Variants in CR2 observed in about 807,000 individuals in gnomAD.
CR2 encodes complement receptor type 2.
CR2 carries 96 observed loss-of-function variants against 123.0 expected under a neutral mutation model. That is an observed-to-expected ratio of 0.78 (90% CI 0.66 to 0.93). CR2 has a LOEUF of 0.93. Ranked by LOEUF, CR2 falls within the 40% of genes least tolerant of loss-of-function variation. The pLI is 0.00. For synonymous variants in CR2, 484 were observed against 469.5 expected (o/e 1.03, Z -0.40); for missense variants, 1,258 against 1,361.0 (o/e 0.92, Z 1.19).
rs1572959381 is a variant in CR2 at position 207,475,135 on chromosome 1, T to C, written c.2635T>C (p.Phe879Leu). The change falls in exon 14 of 20, where the codon TTC becomes CTC. Residue 879 changes from phenylalanine to leucine, a missense_variant. By Grantham distance (22) the Phe-to-Leu change is conservative (BLOSUM62 0). Coordinates refer to ENST00000367057, the MANE Select transcript of CR2 (RefSeq NM_001006658.3). Reference protein sequence around the residue: ...DIVYVDCNPGFIMNGSRVIRC... With the variant: ...DIVYVDCNPGLIMNGSRVIRC... Reference sequence around the variant, plus strand: ...AGTGTATGTTGACTGCAATCCTGGCTTCATCATGAATGGTAGTCGCGTGAT... The same window carrying C: ...AGTGTATGTTGACTGCAATCCTGGCCTCATCATGAATGGTAGTCGCGTGAT... 1.2e-6 allele frequency: 2 copies of C among 1,612,830 alleles called. No individual in the cohort carries two copies. The highest frequency in any genetic ancestry group is 4.5e-5 in the East Asian group (2 of 44,878).
intron 18 of CR2, among the ~76,000 whole-genome samples, chr1:207,483,225 C>A (rs1385913903): frequency 6.6e-6 from 1 of 152,182 alleles, no homozygotes; most frequent in Non-Finnish European, 1.5e-5. Flanking sequence ...AAATTTCTTT[C>A]ACGTGCCAAG....
chr1:207,488,580 C>T (rs1278248481), intron 19 of CR2, among the ~76,000 whole-genome samples: 2 of 152,128 alleles, frequency 1.3e-5, no homozygotes, highest in African/African-American at 2.4e-5. Context: ...GCTGAGATCA[C>T]GCCACTGCAC....
Position 207,454,710 on chromosome 1 carries a change from G to A in CR2, c.58+234G>A. 2.1e-6 allele frequency: 1 copy of A among 467,130 alleles called. No homozygotes were observed. Among genetic ancestry groups the A allele is most frequent in the Non-Finnish European group, 3.8e-6 (1 of 264,280 alleles). 28.9% of individuals were successfully genotyped at this position (467,130 alleles called of 1,614,324 possible). A position where few individuals can be genotyped will look rare whatever the true frequency, so the allele number is the denominator to read the frequency against. On this transcript the variant is annotated intron_variant, in intron 1 of 19. Transcript: ENST00000367057. This position sits in a 1 kb window ranked among gnomAD's most constrained non-coding sequence, Gnocchi z 4.3. Reference sequence around the variant, plus strand: ...ATTGGAGGCTGCGCCACAGAGGGGCGCTGTCTGGTCGGCCCGGTGTGGCTG... The same window carrying A: ...ATTGGAGGCTGCGCCACAGAGGGGCACTGTCTGGTCGGCCCGGTGTGGCTG...
chr1:207,478,773 G>A (rs1658518809), intron 16 of CR2, among the ~76,000 whole-genome samples: 1 of 151,756 alleles, frequency 6.6e-6, no homozygotes, highest in African/African-American at 2.4e-5. Context: ...CCAGAAATAG[G>A]TTAAATAAAT....
intron 1 of CR2, among the ~76,000 whole-genome samples, chr1:207,463,892 G>C (rs147829513): frequency 4.6e-5 from 7 of 152,222 alleles, no homozygotes; most frequent in African/African-American, 1.7e-4. Flanking sequence ...GAGGGAAATT[G>C]AGCATCTGCA....
At chr1:207,480,874 T>C in intron 18 of CR2, among the ~76,000 whole-genome samples, 1 of 152,028 alleles carries the variant, frequency 6.6e-6, no homozygotes, top group Non-Finnish European at 1.5e-5. Flanking sequence ...CTCTCTATTC[T>C]CTTCTGTTTG....
At chr1:207,474,144 T>C in intron 12 of CR2, 97 bp from the exon 13 acceptor site, 1 of 1,106,988 alleles carries the variant, frequency 9.0e-7, no homozygotes, top group Non-Finnish European at 1.4e-6. Context: ...TCAACTCCTC[T>C]CTGCCAAAGT....
intron 16 of CR2, among the ~76,000 whole-genome samples, 200 bp from the exon 17 acceptor site, chr1:207,479,057 C>T (rs1214288711): frequency 6.6e-6 from 1 of 152,134 alleles, no homozygotes; most frequent in Non-Finnish European, 1.5e-5. Context: ...CTCCTGAGCT[C>T]AAGTGATCTT....
chr1:207,462,164 G>A (rs1010399996), intron 1 of CR2, among the ~76,000 whole-genome samples: 5 of 152,092 alleles, frequency 3.3e-5, no homozygotes, highest in Non-Finnish European at 7.4e-5. Context: ...GGGCCTGGGA[G>A]TGACATAAAA....
chr1:207,475,781 C>T (rs977684039), intron 14 of CR2, among the ~76,000 whole-genome samples: 5 of 152,110 alleles, frequency 3.3e-5, no homozygotes, highest in African/African-American at 7.2e-5. Context: ...AGTGAGCTTG[C>T]GAGCCACAAG....
In CR2 at chr1:207,473,246, C is replaced by T. The variant is rs149750084; in HGVS notation, c.1978+67C>T. The T allele has an allele frequency of 1.4e-4, 214 of 1,568,084 alleles. No individual in the cohort carries two copies. The African/African-American group carries it at 2.6e-3, about 19-fold the overall frequency. On this transcript the variant is annotated intron_variant, in intron 10 of 19. Transcript: ENST00000367057. ...ATTATTCTTGTTTATTATCTCCCAC[C>T]CAAAACTGCATCATGGAAAGAGGCA...
In CR2 at chr1:207,454,405, G is replaced by T. The variant is rs372176787; in HGVS notation, c.-14G>T. The stretch of plus-strand genomic sequence containing the variant: ...TCTCGGAACGCATCCCGCCGCGGGG[G>T]CTTCGGCCGTGGCATGGGCGCCGCG... On this transcript the variant is annotated 5_prime_UTR_variant, in exon 1 of 20. Coordinates refer to ENST00000367057, the MANE Select transcript of CR2 (RefSeq NM_001006658.3). The surrounding 1 kb of genome is among the most constrained non-coding windows in gnomAD (Gnocchi z 4.3). The T allele has an allele frequency of 1.3e-6, 2 of 1,575,298 alleles. No homozygotes were observed. The highest frequency in any genetic ancestry group is 1.3e-5 in the African/African-American group (1 of 74,500).
Position 207,470,858 on chromosome 1 carries a change from A to G in CR2, c.1344A>G (p.Glu448=). 6.2e-7 allele frequency: 1 copy of G among 1,613,970 alleles called. No individual in the cohort carries two copies. The part of the protein sequence containing the change: ...SCNPGYVLVG[E]ESIQCTSEGV... Reference sequence around the variant, plus strand: ...ACCCTGGCTATGTGCTGGTGGGAGAAGAATCCATACAGTGTACCTCTGAGG... The same window carrying G: ...ACCCTGGCTATGTGCTGGTGGGAGAGGAATCCATACAGTGTACCTCTGAGG... The change falls in exon 7 of 20, where the codon GAA becomes GAG. Residue 448 remains glutamate, a synonymous_variant. Coordinates refer to ENST00000367057, the MANE Select transcript of CR2 (RefSeq NM_001006658.3).
In CR2 at chr1:207,466,667, C is replaced by G. The variant is rs45573035; in HGVS notation, c.200C>G (p.Thr67Ser). 653 of 1,614,040 alleles carry G rather than the reference C, an allele frequency of 4.0e-4. 4 individuals are homozygous for G. In the East Asian group the frequency reaches 0.014, roughly 35 times the overall value. Residue 67 changes from threonine to serine, a missense_variant, in exon 2 of 20, where the codon ACT (threonine) becomes AGT (serine). Physicochemically the swap from Thr to Ser is moderately conservative, Grantham distance 58. Coordinates refer to ENST00000367057, the MANE Select transcript of CR2 (RefSeq NM_001006658.3). ...GGAGAAAAAAGTCTATTATGCATAA[C>G]TAAAGACAAAGTGGATGGAACCTGG... ...LIGEKSLLCI[T>S]KDKVDGTWDK...
At chr1:207,471,647 C>T in intron 9 of CR2, 148 bp downstream of exon 9, 1 of 689,160 alleles carries the variant, frequency 1.5e-6, no homozygotes, top group Non-Finnish European at 2.7e-6. Flanking sequence ...ACAGTTTTAC[C>T]ATGTCTTTCT....
chr1:207,478,874 A>G (rs574618691), intron 16 of CR2, among the ~76,000 whole-genome samples: 39 of 151,338 alleles, frequency 2.6e-4, no homozygotes, highest in African/African-American at 9.2e-4. Context: ...GACTCCCCCA[A>G]TCTACTTAGA....
chr1:207,464,848 T>C (rs1389842357), intron 1 of CR2, among the ~76,000 whole-genome samples: 1 of 152,054 alleles, frequency 6.6e-6, no homozygotes, highest in Non-Finnish European at 1.5e-5. Context: ...ATATGGTACC[T>C]ATGGAAAGAG....
chr1:207,462,124 A>G (rs1300342872), intron 1 of CR2, among the ~76,000 whole-genome samples: 1 of 152,164 alleles, frequency 6.6e-6, no homozygotes, highest in Non-Finnish European at 1.5e-5. Context: ...TTAAGTAACT[A>G]CTAGATACTA....
intron 17 of CR2, 126 bp downstream of exon 17, chr1:207,479,406 T>A: frequency 1.4e-6 from 1 of 701,004 alleles, no homozygotes; most frequent in Non-Finnish European, 2.5e-6. Flanking sequence ...TTTTGGTGTT[T>A]TAAAGATACT....
Sources: allele counts gnomAD v4.1 joint callset (sites outside exome capture counted in the v4.1 genomes callset), GRCh38; gene constraint gnomAD v4.1.1; non-coding constraint Gnocchi (gnomAD v3.1); transcripts MANE v1.5; gene names NCBI Gene and HGNC (gene_info 2026-07-23, HGNC 2026-07-21).